Variants in ADAMTSL1 observed in about 807,000 individuals in gnomAD.
ADAMTSL1 encodes the protein ADAMTS-like protein 1.
ADAMTSL1 carries 126 observed loss-of-function variants against 201.8 expected under a neutral mutation model. The observed-to-expected ratio is 0.62, with a 90% CI of 0.54 to 0.72. The LOEUF (loss-of-function observed/expected upper bound fraction) is 0.72, where lower values mean the gene tolerates loss of function less well. Among genes scored for constraint, ADAMTSL1 ranks in the 30% least tolerant of loss-of-function variants. ADAMTSL1 has a pLI of 0.00. For missense variants in ADAMTSL1, 2,679 were observed against 2,277.8 expected (o/e 1.18, Z -3.59); for synonymous variants, 1,121 against 903.4 (o/e 1.24, Z -4.32).
intron 2 of ADAMTSL1, among the ~76,000 whole-genome samples, chr9:18,209,229 T>G (rs1438769900): frequency 6.7e-6 from 1 of 150,076 alleles, no homozygotes; most frequent in Non-Finnish European, 1.5e-5. Flanking sequence ...GAGACAAAAA[T>G]GCACATAAAA....
At chr9:18,012,972 A>G (rs1336258502) in intron 1 of ADAMTSL1, among the ~76,000 whole-genome samples, 3 of 150,372 alleles carry the variant, frequency 2.0e-5, no homozygotes, top group African/African-American at 4.9e-5. Flanking sequence ...CCTCCTTCTT[A>G]CCCACCATTT....
At chr9:18,908,051 T>C in intron 28 of ADAMTSL1, 3 of 258,020 alleles carry the variant, frequency 1.2e-5, no homozygotes, top group South Asian at 8.5e-5. Flanking sequence ...AGGAGAGTCA[T>C]TTACTTAAAA....
chr9:18,174,266 G>A (rs557043782), intron 2 of ADAMTSL1, among the ~76,000 whole-genome samples: 2 of 152,234 alleles, frequency 1.3e-5, no homozygotes, highest in South Asian at 4.1e-4. Flanking sequence ...ATCAACCCGT[G>A]CGTTGAGTTT....
chr9:18,106,306 C>T (rs1824760723), intron 1 of ADAMTSL1, among the ~76,000 whole-genome samples: 1 of 152,184 alleles, frequency 6.6e-6, no homozygotes, highest in African/African-American at 2.4e-5. Flanking sequence ...GGATTGCTGG[C>T]CCATGCTGTT....
intron 2 of ADAMTSL1, among the ~76,000 whole-genome samples, chr9:18,438,985 TG>T (rs1413223662): frequency 2.8e-5 from 4 of 145,122 alleles, no homozygotes; most frequent in Admixed American, 6.9e-5. Context: ...GATGGGTTGT[TG>T]ACAGGTTTTT....
chr9:18,735,747 T>TTCTTTTCTTTC (rs1007422906), intron 15 of ADAMTSL1, among the ~76,000 whole-genome samples: 6 of 124,240 alleles, frequency 4.8e-5, no homozygotes, highest in African/African-American at 1.6e-4. Flanking sequence ...CATTCTTTTT[T>TTCTTTTCTTTC]CTTTTTTTTT....
intron 1 of ADAMTSL1, among the ~76,000 whole-genome samples, chr9:18,046,063 T>G (rs61513745): frequency 0.018 from 2,708 of 152,300 alleles, 60 homozygotes; most frequent in South Asian, 0.084. Flanking sequence ...ATGATATATT[T>G]TGTTCTTTTT....
chr9:18,215,309 T>G (rs1386394692), intron 2 of ADAMTSL1, among the ~76,000 whole-genome samples: 2 of 152,152 alleles, frequency 1.3e-5, no homozygotes, highest in Non-Finnish European at 2.9e-5. Context: ...ACTATGATGA[T>G]TCAAAAAAGA....
chr9:18,564,438 C>T (rs749190660), intron 3 of ADAMTSL1, among the ~76,000 whole-genome samples: 28 of 151,834 alleles, frequency 1.8e-4, no homozygotes, highest in Non-Finnish European at 3.7e-4. Context: ...GAGCTGCAGA[C>T]CAGAGCTGTT....
At chr9:18,639,476 G>A (rs1252250076) in intron 7 of ADAMTSL1, 65 bp downstream of exon 7, 2 of 1,554,130 alleles carry the variant, frequency 1.3e-6, no homozygotes, top group Non-Finnish European at 8.7e-7. Flanking sequence ...ATAATTTCCT[G>A]AGCAGAGAGC....
chr9:18,280,502 C>T (rs1443365712), intron 2 of ADAMTSL1, among the ~76,000 whole-genome samples: 2 of 151,606 alleles, frequency 1.3e-5, no homozygotes, highest in Non-Finnish European at 2.9e-5. Context: ...GCCATTTGAA[C>T]AACATTGAGT....
intron 2 of ADAMTSL1, among the ~76,000 whole-genome samples, chr9:18,187,783 G>C (rs1198577525): frequency 6.6e-6 from 1 of 152,074 alleles, no homozygotes; most frequent in Non-Finnish European, 1.5e-5. Context: ...GAAAATGAAA[G>C]TTATTCTTAC....
At chr9:17,941,362 A>T (rs2131347528) in intron 1 of ADAMTSL1, among the ~76,000 whole-genome samples, 1 of 152,246 alleles carries the variant, frequency 6.6e-6, no homozygotes, top group Admixed American at 6.5e-5. Flanking sequence ...GCAGCCAGTG[A>T]TGTAGTTAGC....
At chr9:18,817,734 G>A (rs767100483) in intron 21 of ADAMTSL1, among the ~76,000 whole-genome samples, 13 of 152,190 alleles carry the variant, frequency 8.5e-5, no homozygotes, top group Non-Finnish European at 1.5e-4. Flanking sequence ...AGGACAGAAA[G>A]GCCAAGTAAG....
At chr9:18,175,882 C>T (rs1387434035) in intron 2 of ADAMTSL1, among the ~76,000 whole-genome samples, 3 of 151,624 alleles carry the variant, frequency 2.0e-5, no homozygotes, top group African/African-American at 4.8e-5. Context: ...CAGTCTAGTA[C>T]CAGGCTCTTA....
chr9:18,740,773 G>A (rs771292226), intron 15 of ADAMTSL1, among the ~76,000 whole-genome samples: 9 of 152,128 alleles, frequency 5.9e-5, no homozygotes, highest in East Asian at 1.9e-4. Context: ...CACCACGCTC[G>A]GCCTCAATGT....
chr9:18,871,512 G>C (rs533182828), intron 23 of ADAMTSL1, among the ~76,000 whole-genome samples: 1 of 152,304 alleles, frequency 6.6e-6, no homozygotes, highest in East Asian at 1.9e-4. Context: ...TATAAGACAA[G>C]TTCCCAAAAT....
chr9:18,905,921 C>T, intron 27 of ADAMTSL1, 30 bp downstream of exon 27: 3 of 1,543,102 alleles, frequency 1.9e-6, no homozygotes, highest in Non-Finnish European at 2.7e-6. Context: ...CTCCTTTTCC[C>T]AGCCCCATGT....
intron 9 of ADAMTSL1, among the ~76,000 whole-genome samples, chr9:18,663,393 T>C (rs1829230223): frequency 6.6e-6 from 1 of 152,162 alleles, no homozygotes; most frequent in Admixed American, 6.6e-5. Context: ...AAAAATTGGA[T>C]ACGACATAAA....
Sources: allele counts gnomAD v4.1 joint callset (sites outside exome capture counted in the v4.1 genomes callset), GRCh38; gene constraint gnomAD v4.1.1; transcripts MANE v1.5; gene names NCBI Gene and HGNC (gene_info 2026-07-23, HGNC 2026-07-21).